Variants in CARMIL1 observed in about 807,000 individuals in gnomAD.
CARMIL1 encodes F-actin-uncapping protein LRRC16A.
In CARMIL1, 90 loss-of-function variants were observed where a neutral mutation model predicts 177.1. That is an observed-to-expected ratio of 0.51 (90% CI 0.43 to 0.61). The LOEUF (loss-of-function observed/expected upper bound fraction) is 0.61, where lower values mean the gene tolerates loss of function less well. Among genes scored for constraint, CARMIL1 ranks in the 20% least tolerant of loss-of-function variants. The pLI, the probability that CARMIL1 is intolerant of heterozygous loss-of-function variation, is 0.00. For synonymous variants in CARMIL1, 577 were observed against 606.2 expected (o/e 0.95, Z 0.71); for missense variants, 1,380 against 1,667.0 (o/e 0.83, Z 3.00).
chr6:25,373,081 A>G (rs933699920), intron 2 of CARMIL1, among the ~76,000 whole-genome samples: 1 of 152,190 alleles, frequency 6.6e-6, no homozygotes, highest in Non-Finnish European at 1.5e-5. Context: ...AATCATCCCT[A>G]CATCCTGGAT....
intron 20 of CARMIL1, among the ~76,000 whole-genome samples, chr6:25,511,518 G>C (rs1381371215): frequency 6.6e-6 from 1 of 152,140 alleles, no homozygotes; most frequent in African/African-American, 2.4e-5. Context: ...CTAAAACTCA[G>C]ATGAATTTGT....
At chr6:25,450,043 C>G in intron 6 of CARMIL1, 48 bp downstream of exon 6, 2 of 1,457,298 alleles carry the variant, frequency 1.4e-6, no homozygotes, top group Non-Finnish European at 1.9e-6. Flanking sequence ...GATGGATATC[C>G]CCCTGCCAGG....
rs548812495 is a variant in CARMIL1, at chr6:25,348,441, G to A, written c.138+63532G>A. The stretch of plus-strand genomic sequence containing the variant: ...GCCACTGTGCCTTGCTGTTAAACGC[G>A]CTTCTAATCTTAAACATAGAAATAA... On this transcript the variant is annotated intron_variant, in intron 2 of 36. Transcript: ENST00000329474. Among the ~76,000 whole-genome samples the A allele has an allele frequency of 3.3e-5, 5 of 151,860 alleles. No individual in the cohort carries two copies. In the South Asian group the frequency reaches 1.0e-3, roughly 32 times the overall value.
At chr6:25,499,585 G>T (rs1196074259) in intron 16 of CARMIL1, among the ~76,000 whole-genome samples, 2 of 152,130 alleles carry the variant, frequency 1.3e-5, no homozygotes, top group Admixed American at 6.5e-5. Flanking sequence ...CAGCTCAGCA[G>T]GTAGTTGGAC....
intron 32 of CARMIL1, among the ~76,000 whole-genome samples, chr6:25,599,644 G>A (rs554076558): frequency 6.6e-6 from 1 of 152,262 alleles, no homozygotes; most frequent in East Asian, 1.9e-4. Flanking sequence ...AAAGTCAAAC[G>A]CATGAGAAGC....
intron 4 of CARMIL1, among the ~76,000 whole-genome samples, chr6:25,427,030 C>T (rs1030178644): frequency 6.6e-6 from 1 of 152,070 alleles, no homozygotes; most frequent in Non-Finnish European, 1.5e-5. Context: ...CTGTCTTCGC[C>T]CTCTTCCCCA....
intron 2 of CARMIL1, among the ~76,000 whole-genome samples, chr6:25,312,173 C>T (rs1449216706): frequency 6.6e-6 from 1 of 152,168 alleles, no homozygotes; most frequent in African/African-American, 2.4e-5. Context: ...TATTTCCTCT[C>T]ACCCCCTCCC....
intron 8 of CARMIL1, among the ~76,000 whole-genome samples, chr6:25,459,268 T>TCCTTCCTTCCTTCC (rs1554200898): frequency 8.3e-6 from 1 of 121,192 alleles, no homozygotes. Context: ...CTTTCTTTCT[T>TCCTTCCTTCCTTCC]TTTTTTTTTT....
chr6:25,329,904 C>A (rs1785454241), intron 2 of CARMIL1, among the ~76,000 whole-genome samples: 1 of 152,212 alleles, frequency 6.6e-6, no homozygotes, highest in Non-Finnish European at 1.5e-5. Flanking sequence ...TGGGCATCAG[C>A]TCATTATCAT....
chr6:25,355,044 A>G (rs1487197934), intron 2 of CARMIL1, among the ~76,000 whole-genome samples: 1 of 152,216 alleles, frequency 6.6e-6, no homozygotes, highest in Non-Finnish European at 1.5e-5. Flanking sequence ...GTACATCTAG[A>G]ATGTAATACC....
At chr6:25,526,573 G>A (rs559866737) in intron 23 of CARMIL1, among the ~76,000 whole-genome samples, 1 of 145,112 alleles carries the variant, frequency 6.9e-6, no homozygotes, top group East Asian at 2.1e-4. Flanking sequence ...TTTCTTCTGA[G>A]ACAAGGTCTC....
At chr6:25,453,021 G>T (rs1245303914) in intron 8 of CARMIL1, among the ~76,000 whole-genome samples, 1 of 152,050 alleles carries the variant, frequency 6.6e-6, no homozygotes, top group Non-Finnish European at 1.5e-5. Context: ...TAATTTTGTA[G>T]CATTGTACAT....
intron 29 of CARMIL1, 113 bp downstream of exon 29, chr6:25,556,963 CCACCCTCAGACAA>C: frequency 9.3e-7 from 1 of 1,070,246 alleles, no homozygotes. Context: ...AACACTGTCC[CCACCCTCAGACAA>C]TTCTTTCAGA....
At chr6:25,367,063 C>A (rs1789900025) in intron 2 of CARMIL1, among the ~76,000 whole-genome samples, 1 of 152,172 alleles carries the variant, frequency 6.6e-6, no homozygotes, top group Non-Finnish European at 1.5e-5. Context: ...CTATACTCTT[C>A]AATTTTGCAA....
chr6:25,488,563 T>C lies in CARMIL1; in HGVS notation c.1043T>C (p.Val348Ala). 2 of 1,613,932 alleles carry C rather than the reference T, an allele frequency of 1.2e-6. No homozygotes were observed. Among genetic ancestry groups the C allele is most frequent in the Non-Finnish European group, 1.7e-6 (2 of 1,179,774 alleles). ...TLVHLDLSGNVLRGDDLSHMY... is the reference protein window; with the variant it reads ...TLVHLDLSGNALRGDDLSHMY... ...GTCCACCTCGACCTCTCAGGGAACGTCCTTCGTGGAGATGACCTCTCAGTA... is the reference window on the plus strand; with the variant it reads ...GTCCACCTCGACCTCTCAGGGAACGCCCTTCGTGGAGATGACCTCTCAGTA... The change falls in exon 13 of 37, where the codon GTC becomes GCC. Residue 348 changes from valine (V) to alanine (A), a missense_variant. Coordinates refer to ENST00000329474, the MANE Select transcript of CARMIL1 (RefSeq NM_017640.6).
Position 25,509,734 on chromosome 6 carries a change from A to T in CARMIL1, c.1474A>T (p.Asn492Tyr). The T allele has an allele frequency of 1.3e-6, 2 of 1,583,634 alleles. No homozygotes were observed. The highest frequency in any genetic ancestry group is 1.7e-6 in the Non-Finnish European group (2 of 1,160,712). ...CATCACCAGCTTAGACATCTCTGAC[A>T]ATGGTAAGTCAGATATTGAAAAGAA... ...HNITSLDISD[N>Y]GLESDLSTLI... The change falls in exon 18 of 37, where the codon AAT becomes TAT. Residue 492 changes from asparagine to tyrosine, a missense_variant. Transcript: ENST00000329474. This position sits in a 1 kb window ranked among gnomAD's most constrained non-coding sequence, Gnocchi z 4.1.
intron 2 of CARMIL1, among the ~76,000 whole-genome samples, chr6:25,388,512 C>T (rs370975288): frequency 1.3e-4 from 20 of 152,090 alleles, no homozygotes; most frequent in East Asian, 9.7e-4. Flanking sequence ...TACAGGCAGG[C>T]GCCACCATGC....
chr6:25,441,337 A>ATATATATATGTGTGTGTGTGTG, intron 5 of CARMIL1, among the ~76,000 whole-genome samples: 15 of 94,534 alleles, frequency 1.6e-4, no homozygotes, highest in African/African-American at 6.6e-4. Context: ...ATATATATAT[A>ATATATATATGTGTGTGTGTGTG]TGTGTGTGTG....
At chr6:25,615,208 AG>A (rs1436229717) in intron 36 of CARMIL1, among the ~76,000 whole-genome samples, 1 of 152,204 alleles carries the variant, frequency 6.6e-6, no homozygotes, top group Non-Finnish European at 1.5e-5. Context: ...CTTTCTTTTA[AG>A]TCTTTTAAGA....
Sources: allele counts gnomAD v4.1 joint callset (sites outside exome capture counted in the v4.1 genomes callset), GRCh38; gene constraint gnomAD v4.1.1; non-coding constraint Gnocchi (gnomAD v3.1); transcripts MANE v1.5; gene names NCBI Gene and HGNC (gene_info 2026-07-23, HGNC 2026-07-21).